AGFG1: variants seen among roughly 807,000 people sequenced by gnomAD.
AGFG1 encodes ArfGAP with FG repeats 1.
Under a neutral mutation model 60.6 loss-of-function variants are expected in AGFG1, and 10 were observed. The observed-to-expected ratio is 0.16, with a 90% CI of 0.10 to 0.28. The LOEUF (loss-of-function observed/expected upper bound fraction) is 0.28, where lower values mean the gene tolerates loss of function less well. AGFG1 is among the 10% of genes least tolerant of loss of function. The pLI is 1.00. For synonymous variants in AGFG1, 247 were observed against 242.9 expected, an observed-to-expected ratio of 1.02 and a Z score of -0.16; for missense variants, 537 against 676.5, an observed-to-expected ratio of 0.79 and a Z score of 2.29.
At chr2:227,533,394 C>T (rs985179369) in intron 6 of AGFG1, among the ~76,000 whole-genome samples, 155 bp from the exon 7 acceptor site, 12 of 152,092 alleles carry the variant, frequency 7.9e-5, no homozygotes, top group South Asian at 2.1e-4. Context: ...AATTGGAAAA[C>T]GTCACTTGTA....
At position 227,498,089 on chromosome 2, in the gene AGFG1, A is replaced by C. The variant is rs1171338646; in HGVS notation, c.261+6449A>C. ...AGGTAGTATATAGGAAAACATTTTG[A>C]AAATTGATGTATTATATAGATGTAA... is the stretch of plus-strand genomic sequence containing the variant. On this transcript the variant is annotated intron_variant, in intron 2 of 12. Coordinates refer to ENST00000310078, the MANE Select transcript of AGFG1 (RefSeq NM_004504.5). Among the ~76,000 whole-genome samples, 3 of 152,190 alleles carry C rather than the reference A, an allele frequency of 2.0e-5. No homozygotes were observed. In the East Asian group the frequency reaches 5.8e-4, roughly 29 times the overall value.
chr2:227,536,925 TTGC>T lies in AGFG1; in HGVS notation c.1319_1321del (p.Ala440del). ...GCTACGCCTTCCACAAATCCATTTG[TTGC>T]TGCTGCTGGTCCTTCTGTGGCATCT... On this transcript the variant is annotated inframe_deletion, in exon 10 of 13. Coordinates refer to ENST00000310078, the MANE Select transcript of AGFG1 (RefSeq NM_004504.5). The T allele has an allele frequency of 6.2e-7, 1 of 1,612,846 alleles. No individual in the cohort carries two copies. Among genetic ancestry groups the T allele is most frequent in the Non-Finnish European group, 8.5e-7 (1 of 1,179,242 alleles).
At chr2:227,498,559 A>G (rs1255378829) in intron 2 of AGFG1, among the ~76,000 whole-genome samples, 1 of 152,210 alleles carries the variant, frequency 6.6e-6, no homozygotes, top group African/African-American at 2.4e-5. Context: ...TGGCTCTTCT[A>G]AATATTAGCT....
chr2:227,496,421 G>T (rs1690976241), intron 2 of AGFG1, among the ~76,000 whole-genome samples: 1 of 141,184 alleles, frequency 7.1e-6, no homozygotes, highest in Non-Finnish European at 1.5e-5. Flanking sequence ...CAGCTTGGGC[G>T]ATAGAGCGAG....
intron 1 of AGFG1, among the ~76,000 whole-genome samples, chr2:227,487,478 G>A (rs929861425): frequency 6.6e-6 from 1 of 151,946 alleles, no homozygotes; most frequent in African/African-American, 2.4e-5. Context: ...AGTGCATAAT[G>A]TCATACTTTT....
At chr2:227,526,794 T>G (rs1404007763) in intron 5 of AGFG1, among the ~76,000 whole-genome samples, 2 of 152,158 alleles carry the variant, frequency 1.3e-5, no homozygotes, top group Non-Finnish European at 2.9e-5. Flanking sequence ...TCCACCTGCC[T>G]TGGCCTCCCA....
At chr2:227,491,344 CTAT>C (rs1161989355) in intron 1 of AGFG1, among the ~76,000 whole-genome samples, 200 bp from the exon 2 acceptor site, 2 of 151,974 alleles carry the variant, frequency 1.3e-5, no homozygotes, top group East Asian at 1.9e-4. Context: ...ATTGTTAAGT[CTAT>C]TATTTAATGA....
intron 1 of AGFG1, among the ~76,000 whole-genome samples, chr2:227,479,814 A>G (rs191088610): frequency 6.6e-6 from 1 of 152,368 alleles, no homozygotes; most frequent in East Asian, 1.9e-4. Context: ...GACATTTTTT[A>G]CAACCTTACA....
In AGFG1 at chr2:227,556,333, G is replaced by A. The variant is rs780549149; in HGVS notation, c.*1838G>A. Reference sequence around the variant, plus strand: ...AACATTGCTGTCTAGTGTACATCTAGCTAAAAGTGTGGTTTATCTAAACCG... The same window carrying A: ...AACATTGCTGTCTAGTGTACATCTAACTAAAAGTGTGGTTTATCTAAACCG... On this transcript the variant is annotated 3_prime_UTR_variant, in exon 13 of 13. Coordinates refer to ENST00000310078, the MANE Select transcript of AGFG1 (RefSeq NM_004504.5). 1 of 152,530 alleles carries A rather than the reference G, an allele frequency of 6.6e-6. No individual in the cohort carries two copies. The highest frequency in any genetic ancestry group is 1.5e-5 in the Non-Finnish European group (1 of 68,022). 9.4% of individuals were successfully genotyped at this position (152,530 alleles called of 1,614,324 possible). A position where few individuals can be genotyped will look rare whatever the true frequency, so the allele number is the denominator to read the frequency against.
chr2:227,540,091 C>G (rs2106229510), intron 10 of AGFG1, among the ~76,000 whole-genome samples: 1 of 152,230 alleles, frequency 6.6e-6, no homozygotes, highest in African/African-American at 2.4e-5. Flanking sequence ...CTGCCTCGGC[C>G]TCCCAAAGTG....
At position 227,497,730 on chromosome 2, in the gene AGFG1, G is replaced by GTTT. The variant is rs148621752; in HGVS notation, c.261+6092_261+6094dup. On this transcript the variant is annotated intron_variant, in intron 2 of 12. Transcript: ENST00000310078. ...ATATAGCCAAATGAGTTTCTTTCTT[G>GTTT]TTTTGTTTTTTTTTTTTTTTTTTTT... Among the ~76,000 whole-genome samples the GTTT allele has an allele frequency of 7.5e-3, 291 of 38,914 alleles. 43 individuals carry two copies. Among genetic ancestry groups the GTTT allele is most frequent in the Non-Finnish European group, 7.8e-3 (144 of 18,530 alleles). The allele number at this position is 38,914 out of a possible 152,430, so 25.5% of individuals were successfully genotyped here.
intron 2 of AGFG1, among the ~76,000 whole-genome samples, chr2:227,512,729 T>G (rs1691532641): frequency 6.6e-6 from 1 of 152,228 alleles, no homozygotes; most frequent in Non-Finnish European, 1.5e-5. Flanking sequence ...GATTACTTGT[T>G]CATCAAATTT....
chr2:227,506,696 G>A (rs1691324415), intron 2 of AGFG1, among the ~76,000 whole-genome samples: 1 of 151,936 alleles, frequency 6.6e-6, no homozygotes, highest in Admixed American at 6.6e-5. Flanking sequence ...GGAGAGTTGG[G>A]GTTTTAACCT....
chr2:227,479,328 G>A (rs1041803194), intron 1 of AGFG1, among the ~76,000 whole-genome samples: 6 of 151,876 alleles, frequency 4.0e-5, no homozygotes, highest in African/African-American at 1.5e-4. Flanking sequence ...CATCATTTTT[G>A]GCATGTGATT....
chr2:227,513,211 G>A (rs1396604075), intron 2 of AGFG1, among the ~76,000 whole-genome samples: 1 of 152,150 alleles, frequency 6.6e-6, no homozygotes, highest in Non-Finnish European at 1.5e-5. Context: ...TCATAACTGA[G>A]TTTGTTAAAT....
At chr2:227,502,899 CT>C (rs1442523043) in intron 2 of AGFG1, among the ~76,000 whole-genome samples, 1 of 152,120 alleles carries the variant, frequency 6.6e-6, no homozygotes, top group African/African-American at 2.4e-5. Context: ...GTTGAAAACA[CT>C]TTTCTTTCCT....
At position 227,472,169 on chromosome 2, in the gene AGFG1, G is replaced by A. The variant is rs1486736741; in HGVS notation, c.-253G>A. 3.2e-5 allele frequency: 5 copies of A among 156,414 alleles called. No individual in the cohort carries two copies. Among genetic ancestry groups the A allele is most frequent in the African/African-American group, 1.2e-4 (5 of 41,646 alleles). The allele number at this position is 156,414 out of a possible 1,614,324, so 9.7% of individuals were successfully genotyped here. A position where few individuals can be genotyped will look rare whatever the true frequency, so the allele number is the denominator to read the frequency against. The stretch of plus-strand genomic sequence containing the variant: ...TCCTCGTCTTTTCCCCTCAGGAGAA[G>A]TCGGGAAGGTGGCGGCGGCGGCGGC... On this transcript the variant is annotated 5_prime_UTR_variant, in exon 1 of 13. Coordinates refer to ENST00000310078, the MANE Select transcript of AGFG1 (RefSeq NM_004504.5).
chr2:227,539,741 G>T (rs1692424100), intron 10 of AGFG1, among the ~76,000 whole-genome samples: 1 of 99,166 alleles, frequency 1.0e-5, no homozygotes, highest in Non-Finnish European at 1.8e-5. Flanking sequence ...TGAGACTCTA[G>T]CTCACAAAAA....
Position 227,548,933 on chromosome 2 carries a change from T to G in AGFG1, c.1379-3026T>G, listed in dbSNP as rs181139363. Among the ~76,000 whole-genome samples, 594 of 151,566 alleles carry G rather than the reference T, an allele frequency of 3.9e-3. 3 individuals carry two copies. The highest frequency in any genetic ancestry group is 6.5e-3 in the Non-Finnish European group (442 of 67,948). ...TCCTGGGCGACAGAGCGAGACTCCG[T>G]CTCAAAAAGAAAAAAAAGAAAGTAG... On this transcript the variant is annotated intron_variant, in intron 10 of 12. Coordinates refer to ENST00000310078, the MANE Select transcript of AGFG1 (RefSeq NM_004504.5).
Sources: allele counts gnomAD v4.1 joint callset (sites outside exome capture counted in the v4.1 genomes callset), GRCh38; gene constraint gnomAD v4.1.1; transcripts MANE v1.5; gene names NCBI Gene and HGNC (gene_info 2026-07-23, HGNC 2026-07-21).